The following HLCS variants were observed in gnomAD, a reference collection of about 807,000 sequenced individuals.
HLCS encodes the protein holocarboxylase synthetase.
HLCS carries 53 observed loss-of-function variants against 75.0 expected under a neutral mutation model. That is an observed-to-expected ratio of 0.71 (90% confidence interval 0.57 to 0.89). The LOEUF is 0.89. Ranked by LOEUF, HLCS falls within the 40% of genes least tolerant of loss-of-function variation. HLCS has a pLI of 0.00. For synonymous variants in HLCS, 431 were observed against 428.6 expected (o/e 1.01, Z -0.07); for missense variants, 966 against 1,074.0 (o/e 0.90, Z 1.41).
intron 6 of HLCS, among the ~76,000 whole-genome samples, chr21:36,875,108 G>A (rs1028899031): frequency 3.9e-5 from 6 of 152,056 alleles, no homozygotes; most frequent in Non-Finnish European, 7.4e-5. Flanking sequence ...AGGACTAAGC[G>A]TGACTTTGTA....
chr21:36,850,453 CG>C (rs2062954607), intron 6 of HLCS, among the ~76,000 whole-genome samples: 1 of 152,148 alleles, frequency 6.6e-6, no homozygotes, highest in Admixed American at 6.5e-5. Flanking sequence ...CTGAGAAAAT[CG>C]GAGAGACTGC....
chr21:36,782,715 TC>T (rs1308173964), intron 6 of HLCS, among the ~76,000 whole-genome samples: 20 of 152,138 alleles, frequency 1.3e-4, no homozygotes. Context: ...ATGCCTGTAA[TC>T]CCAGCACTTT....
chr21:36,941,436 T>C (rs1009674081), intron 2 of HLCS, among the ~76,000 whole-genome samples: 11 of 152,192 alleles, frequency 7.2e-5, no homozygotes, highest in African/African-American at 2.7e-4. Flanking sequence ...GACTAACACA[T>C]ATAGACCAAG....
At chr21:36,946,824 A>G (rs548961475) in intron 2 of HLCS, among the ~76,000 whole-genome samples, 46 of 152,304 alleles carry the variant, frequency 3.0e-4, no homozygotes, top group African/African-American at 1.1e-3. Context: ...AGCCAAGGGA[A>G]GCAGAATTCA....
At chr21:36,916,256 T>C (rs2073083496) in intron 5 of HLCS, among the ~76,000 whole-genome samples, 1 of 152,134 alleles carries the variant, frequency 6.6e-6, no homozygotes, top group Non-Finnish European at 1.5e-5. Flanking sequence ...TCAGTGGAAT[T>C]TTCCTAGATC....
rs2089275067 is a variant in HLCS at position 36,748,774 on chromosome 21, C to G, written c.*5472G>C. 6.5e-6 allele frequency: 1 copy of G among 152,700 alleles called. No homozygotes were observed. Among genetic ancestry groups the G allele is most frequent in the Middle Eastern group, 3.4e-3 (1 of 294 alleles). The allele number at this position is 152,700 out of a possible 1,614,324, so 9.5% of individuals were successfully genotyped here. On this transcript the variant is annotated 3_prime_UTR_variant, in exon 11 of 11. Transcript: ENST00000674895. ...TTAACAAGCTCTTACTTCCCCCTAA[C>G]CCCTATGAACTCTTGATAACACCAA...
At position 36,814,577 on chromosome 21, in the gene HLCS, T is replaced by C. The variant is rs141187456; in HGVS notation, c.1893-47292A>G. ...AATGAGAAATTAACACAGTTACCTC[T>C]TTCTGGTAGTCCAGGAAGTAGAGAA... On this transcript the variant is annotated intron_variant, in intron 6 of 10. Coordinates refer to ENST00000674895, the MANE Select transcript of HLCS (RefSeq NM_001352514.2). Among the ~76,000 whole-genome samples, 379 of 152,334 alleles carry C rather than the reference T, an allele frequency of 2.5e-3. 1 individual carries two copies. Among genetic ancestry groups the C allele is most frequent in the African/African-American group, 8.9e-3 (369 of 41,582 alleles).
In HLCS at chr21:36,750,483, C is replaced by T. The variant is rs1026430699; in HGVS notation, c.*3763G>A. 3.3e-5 allele frequency among the ~76,000 whole-genome samples: 5 copies of T among 152,144 alleles called. No homozygotes were observed. Among genetic ancestry groups the T allele is most frequent in the African/African-American group, 9.7e-5 (4 of 41,420 alleles). On this transcript the variant is annotated 3_prime_UTR_variant, in exon 11 of 11. Transcript: ENST00000674895. ...GCCTGTATTTTCCGCCTCCCTTGCC[C>T]CCACTCCTTTTATCCTTTTAAAAGT...
At chr21:36,793,295 C>CTTTTT (rs761549990) in intron 6 of HLCS, among the ~76,000 whole-genome samples, 1 of 116,262 alleles carries the variant, frequency 8.6e-6, no homozygotes, top group African/African-American at 3.2e-5. Flanking sequence ...AGGAAGCAGT[C>CTTTTT]TTTTTTTTTT....
In HLCS at chr21:36,752,490, G is replaced by A. The variant is rs748180401; in HGVS notation, c.*1756C>T. ...AAATGAAACCTACATCGTTAGCCTC[G>A]AGATCTTTGTCCCTGATGATATTCT... On this transcript the variant is annotated 3_prime_UTR_variant, in exon 11 of 11. Coordinates refer to ENST00000674895, the MANE Select transcript of HLCS (RefSeq NM_001352514.2). The A allele has an allele frequency of 4.6e-5, 7 of 152,518 alleles. No homozygotes were observed. In the East Asian group the frequency reaches 5.8e-4, roughly 13 times the overall value. The allele number at this position is 152,518 out of a possible 1,614,324, so 9.4% of individuals were successfully genotyped here. A position where few individuals can be genotyped will look rare whatever the true frequency, so the allele number is the denominator to read the frequency against.
intron 5 of HLCS, among the ~76,000 whole-genome samples, chr21:36,907,412 T>C (rs760727167): frequency 3.6e-4 from 55 of 152,154 alleles, no homozygotes; most frequent in Non-Finnish European, 6.2e-4. Flanking sequence ...TCCCAGAACT[T>C]TGGGAGGCTG....
chr21:36,956,594 G>A (rs1426145369), intron 2 of HLCS, among the ~76,000 whole-genome samples: 1 of 152,112 alleles, frequency 6.6e-6, no homozygotes, highest in Non-Finnish European at 1.5e-5. Context: ...GCCGGGTGTG[G>A]TGGTGGGCGC....
chr21:36,965,472 A>T (rs898306361), intron 1 of HLCS, among the ~76,000 whole-genome samples: 1 of 152,214 alleles, frequency 6.6e-6, no homozygotes, highest in Non-Finnish European at 1.5e-5. Context: ...TTTTACAGAG[A>T]TTAATTGACT....
chr21:36,867,062 T>C (rs1221403375), intron 6 of HLCS, among the ~76,000 whole-genome samples: 2 of 152,172 alleles, frequency 1.3e-5, no homozygotes, highest in Non-Finnish European at 2.9e-5. Flanking sequence ...TAAACTGATA[T>C]TAATAGATCT....
At chr21:36,937,453 GCTCAT>G in intron 3 of HLCS, 61 bp from the exon 4 acceptor site, 1 of 1,381,504 alleles carries the variant, frequency 7.2e-7, no homozygotes, top group Non-Finnish European at 1.0e-6. Flanking sequence ...ATGACACATA[GCTCAT>G]CTCAAGAATC....
chr21:36,983,827 A>G (rs1160102229), intron 1 of HLCS, among the ~76,000 whole-genome samples: 1 of 148,036 alleles, frequency 6.8e-6, no homozygotes, highest in African/African-American at 2.5e-5. Flanking sequence ...ACGCAGAGAG[A>G]CTCCGTCTCA....
chr21:36,912,762 C>A (rs1234000611), intron 5 of HLCS, among the ~76,000 whole-genome samples: 1 of 152,072 alleles, frequency 6.6e-6, no homozygotes, highest in African/African-American at 2.4e-5. Flanking sequence ...TTAGCCACCC[C>A]CCCCAACCCC....
chr21:36,860,471 G>A (rs75444750), intron 6 of HLCS, among the ~76,000 whole-genome samples: 5,794 of 152,168 alleles, frequency 0.038, 359 homozygotes, highest in African/African-American at 0.13. Flanking sequence ...ATGTTTTATT[G>A]TTAATAAGGT....
rs1198444738 is a variant in HLCS, at chr21:36,936,522, T to C, written c.1364A>G (p.Glu455Gly). The C allele has an allele frequency of 6.2e-7, 1 of 1,614,184 alleles. No individual in the cohort carries two copies. The highest frequency in any genetic ancestry group is 8.5e-7 in the Non-Finnish European group (1 of 1,180,034). Reference sequence around the variant, plus strand: ...AATCATCCTGTCCTTGTCCTCATTCTCCAGGTGGCCCTGGAGCCTGCCGGG... The same window carrying C: ...AATCATCCTGTCCTTGTCCTCATTCCCCAGGTGGCCCTGGAGCCTGCCGGG... ...LSPGRLQGHL[E>G]NEDKDRMIVH... Residue 455 changes from glutamate (E) to glycine (G), a missense_variant, in exon 4 of 11, where the codon GAG becomes GGG. Glu to Gly is a moderately conservative substitution (Grantham distance 98, BLOSUM62 -2). Coordinates refer to ENST00000674895, the MANE Select transcript of HLCS (RefSeq NM_001352514.2).
Sources: allele counts gnomAD v4.1 joint callset (sites outside exome capture counted in the v4.1 genomes callset), GRCh38; gene constraint gnomAD v4.1.1; transcripts MANE v1.5; gene names NCBI Gene and HGNC (gene_info 2026-07-23, HGNC 2026-07-21).